The following TANC2 variants were observed in gnomAD, a reference collection of about 807,000 sequenced individuals.
TANC2 encodes tetratricopeptide repeat, ankyrin repeat and coiled-coil containing 2.
A neutral mutation model predicts 210.5 loss-of-function variants in TANC2; 26 were observed. The ratio of observed to expected loss-of-function variants is 0.12; its 90% CI spans 0.09 to 0.17. The LOEUF is 0.17. Among genes scored for constraint, TANC2 ranks in the 10% least tolerant of loss-of-function variants. The pLI, the probability that TANC2 is intolerant of heterozygous loss-of-function variation, is 1.00. For missense variants in TANC2, 2,129 were observed against 2,608.9 expected, an observed-to-expected ratio of 0.82 and a Z score of 4.01; for synonymous variants, 931 against 967.1, an observed-to-expected ratio of 0.96 and a Z score of 0.69.
intron 5 of TANC2, among the ~76,000 whole-genome samples, chr17:63,184,655 CTT>C (rs202114362): frequency 2.0e-4 from 28 of 140,018 alleles, no homozygotes; most frequent in Admixed American, 3.6e-4. Flanking sequence ...AGTATGTATT[CTT>C]TTTTTTTTTT....
intron 11 of TANC2, among the ~76,000 whole-genome samples, chr17:63,327,398 A>G (rs1317801805): frequency 5.3e-5 from 8 of 152,360 alleles, no homozygotes; most frequent in Middle Eastern, 3.4e-3. Flanking sequence ...ACTGAAATCA[A>G]TGTCAAAGGG....
intron 4 of TANC2, among the ~76,000 whole-genome samples, chr17:63,109,678 G>A (rs1194836735): frequency 6.6e-6 from 1 of 151,680 alleles, no homozygotes; most frequent in Non-Finnish European, 1.5e-5. Context: ...TTACCTATAT[G>A]AGCAAATTTA....
intron 4 of TANC2, among the ~76,000 whole-genome samples, chr17:63,137,540 G>A (rs1475509609): frequency 6.6e-6 from 1 of 152,188 alleles, no homozygotes; most frequent in Non-Finnish European, 1.5e-5. Context: ...TTATAATGAA[G>A]ATAGTTTATA....
chr17:63,306,033 C>T (rs534620575), intron 9 of TANC2, among the ~76,000 whole-genome samples: 13 of 152,196 alleles, frequency 8.5e-5, no homozygotes, highest in South Asian at 2.1e-4. Flanking sequence ...CACCTTTGGA[C>T]GCGCTAGAAG....
intron 19 of TANC2, 44 bp downstream of exon 19, chr17:63,398,958 G>A: frequency 1.4e-6 from 2 of 1,406,256 alleles, no homozygotes; most frequent in Non-Finnish European, 2.0e-6. Flanking sequence ...TTGTGTTTGT[G>A]TGGACTCTCG....
chr17:63,017,186 A>G (rs923485478), intron 2 of TANC2, among the ~76,000 whole-genome samples: 2 of 152,150 alleles, frequency 1.3e-5, no homozygotes, highest in African/African-American at 2.4e-5. Flanking sequence ...TGAAGAGACT[A>G]TTCTTTCTCT....
intron 1 of TANC2, among the ~76,000 whole-genome samples, chr17:62,986,781 G>C (rs974227001): frequency 2.4e-4 from 36 of 152,178 alleles, no homozygotes; most frequent in Non-Finnish European, 5.1e-4. Flanking sequence ...CTGCTTCTCA[G>C]GCTTGGGATG....
intron 9 of TANC2, among the ~76,000 whole-genome samples, chr17:63,287,467 T>C (rs947788509): frequency 1.3e-5 from 2 of 152,226 alleles, no homozygotes; most frequent in African/African-American, 2.4e-5. Flanking sequence ...GGTTATCTGA[T>C]GTTGTGAATT....
rs139819281 is a variant in TANC2 at position 63,382,408 on chromosome 17, T to G, written c.2691+2582T>G. ...TCAAAGCTACCAAGTGTGACTTCCT[T>G]TAACTATTTTCCTCCCCTCACCAGC... On this transcript the variant is annotated intron_variant, in intron 15 of 27. Transcript: ENST00000689528. Among the ~76,000 whole-genome samples the G allele has an allele frequency of 1.3e-3, 201 of 152,304 alleles. 2 individuals are homozygous for G. The highest frequency in any genetic ancestry group is 4.5e-3 in the African/African-American group (188 of 41,568).
chr17:63,278,460 A>T (rs2043959968), intron 9 of TANC2, among the ~76,000 whole-genome samples: 1 of 150,948 alleles, frequency 6.6e-6, no homozygotes. Flanking sequence ...CCATTATTTA[A>T]AAAAAAAAGA....
At chr17:63,328,540 A>G (rs189718636) in intron 11 of TANC2, among the ~76,000 whole-genome samples, 2 of 152,116 alleles carry the variant, frequency 1.3e-5, no homozygotes, top group African/African-American at 4.8e-5. Flanking sequence ...AAACAGAAAG[A>G]CAAATACTGC....
At chr17:63,052,950 T>C (rs1255841546) in intron 2 of TANC2, among the ~76,000 whole-genome samples, 1 of 152,264 alleles carries the variant, frequency 6.6e-6, no homozygotes, top group African/African-American at 2.4e-5. Context: ...TATAAACTAT[T>C]CTGAGCTCTC....
Position 63,098,484 on chromosome 17 carries a change from ACTCTCT to A in TANC2, c.140-670_140-665del, listed in dbSNP as rs1175349288. ...CACACACACACACACACACACATAC[ACTCTCT>A]CTCTCTCTCTCTCTCTCTCTGTGTG... On this transcript the variant is annotated intron_variant, in intron 3 of 27. Coordinates refer to ENST00000689528, the Ensembl canonical transcript of TANC2. Among the ~76,000 whole-genome samples, 182 of 72,286 alleles carry A rather than the reference ACTCTCT, an allele frequency of 2.5e-3. 2 individuals are homozygous for A. Among genetic ancestry groups the A allele is most frequent in the African/African-American group, 6.4e-3 (101 of 15,890 alleles). 47.4% of individuals were successfully genotyped at this position (72,286 alleles called of 152,430 possible). A position where few individuals can be genotyped will look rare whatever the true frequency, so the allele number is the denominator to read the frequency against.
intron 2 of TANC2, among the ~76,000 whole-genome samples, chr17:63,062,472 C>A (rs1330612078): frequency 6.6e-6 from 1 of 152,204 alleles, no homozygotes. Context: ...CATGGCTAAA[C>A]TGGTCCAGCC....
chr17:63,059,899 A>G (rs1456472024), intron 2 of TANC2, among the ~76,000 whole-genome samples: 2 of 152,154 alleles, frequency 1.3e-5, no homozygotes. Context: ...GGAGAATGGC[A>G]TTTCAAGATC....
In TANC2 at chr17:63,413,363, A is replaced by G. The variant is rs142798147; in HGVS notation, c.3929-180A>G. ...CTTATTTTAAGGTGAATACAAATCC[A>G]ATGCAGCTTCTTGGCAGTGGGAGTT... On this transcript the variant is annotated intron_variant, in intron 24 of 27. Coordinates refer to ENST00000689528, the Ensembl canonical transcript of TANC2. The G allele has an allele frequency of 1.4e-4, 76 of 524,692 alleles. No individual in the cohort carries two copies. The East Asian group carries it at 2.4e-3, about 16-fold the overall frequency. 32.5% of individuals were successfully genotyped at this position (524,692 alleles called of 1,614,324 possible). A position where few individuals can be genotyped will look rare whatever the true frequency, so the allele number is the denominator to read the frequency against.
intron 15 of TANC2, among the ~76,000 whole-genome samples, chr17:63,383,553 A>T (rs952818377): frequency 1.3e-5 from 2 of 152,102 alleles, no homozygotes; most frequent in African/African-American, 4.8e-5. Context: ...ATTTCTTTTT[A>T]TTGCTGAATA....
intron 4 of TANC2, among the ~76,000 whole-genome samples, chr17:63,124,070 C>T (rs906736634): frequency 8.5e-5 from 13 of 152,048 alleles, no homozygotes; most frequent in African/African-American, 1.9e-4. Context: ...TAAGAATTTA[C>T]GAGGAATTTT....
intron 2 of TANC2, among the ~76,000 whole-genome samples, chr17:63,063,575 T>TGTATAG (rs142486219): frequency 7.5e-6 from 1 of 132,494 alleles, no homozygotes; most frequent in Non-Finnish European, 1.6e-5. Flanking sequence ...TGTGTGTGTG[T>TGTATAG]AGATATATCT....
Sources: gnomAD v4.1 joint callset for allele counts (sites outside exome capture counted in the v4.1 genomes callset) on GRCh38, gnomAD v4.1.1 for gene constraint, MANE v1.5 for transcripts, NCBI Gene and HGNC (gene_info 2026-07-23, HGNC 2026-07-21) for gene names.